The following ATXN1 variants were observed in gnomAD, a reference collection of about 807,000 sequenced individuals.
ATXN1 encodes ataxin 1.
In ATXN1, 8 loss-of-function variants were observed where a neutral mutation model predicts 56.4. The observed-to-expected ratio is 0.14, with a 90% CI of 0.08 to 0.26. The LOEUF (loss-of-function observed/expected upper bound fraction) is 0.26. Among genes scored for constraint, ATXN1 ranks in the 10% least tolerant of loss-of-function variants. The pLI is 1.00. For missense variants in ATXN1, 987 were observed against 1,106.5 expected, an observed-to-expected ratio of 0.89 and a Z score of 1.53; for synonymous variants, 514 against 494.6, an observed-to-expected ratio of 1.04 and a Z score of -0.52.
chr6:16,537,249 T>C (rs1761618681), intron 4 of ATXN1, among the ~76,000 whole-genome samples: 1 of 152,112 alleles, frequency 6.6e-6, no homozygotes, highest in African/African-American at 2.4e-5. Flanking sequence ...GTTAAACCTG[T>C]CTAGAGTATT....
chr6:16,462,601 T>A (rs1199780786), intron 6 of ATXN1, among the ~76,000 whole-genome samples: 1 of 152,148 alleles, frequency 6.6e-6, no homozygotes, highest in Non-Finnish European at 1.5e-5. Context: ...AAAATCCTAA[T>A]CACATCAACC....
At chr6:16,433,708 G>A (rs1351144335) in intron 6 of ATXN1, among the ~76,000 whole-genome samples, 1 of 152,314 alleles carries the variant, frequency 6.6e-6, no homozygotes, top group African/African-American at 2.4e-5. Context: ...GATGAAACAG[G>A]TGCATTAAGT....
chr6:16,389,091 C>T (rs1394101897), intron 6 of ATXN1, among the ~76,000 whole-genome samples: 4 of 151,932 alleles, frequency 2.6e-5, no homozygotes, highest in African/African-American at 9.7e-5. Context: ...AATCCCAGCA[C>T]TTTGGGAGGC....
chr6:16,359,165 C>G (rs1398072935), intron 6 of ATXN1, among the ~76,000 whole-genome samples: 1 of 152,204 alleles, frequency 6.6e-6, no homozygotes, highest in African/African-American at 2.4e-5. Context: ...TGAATGGCAG[C>G]AGGAGGAAGA....
At chr6:16,681,378 C>G (rs1404275233) in intron 2 of ATXN1, among the ~76,000 whole-genome samples, 1 of 152,226 alleles carries the variant, frequency 6.6e-6, no homozygotes, top group Non-Finnish European at 1.5e-5. Flanking sequence ...GGCCACGTGA[C>G]AGCCTGCCTC....
chr6:16,517,145 C>T (rs1041504603), intron 5 of ATXN1, among the ~76,000 whole-genome samples: 7 of 152,236 alleles, frequency 4.6e-5, no homozygotes, highest in Non-Finnish European at 7.3e-5. Flanking sequence ...TTAGCCATGG[C>T]CTTGATTCTG....
intron 2 of ATXN1, among the ~76,000 whole-genome samples, chr6:16,712,549 G>A (rs1290983970): frequency 6.6e-6 from 1 of 152,124 alleles, no homozygotes; most frequent in Non-Finnish European, 1.5e-5. Flanking sequence ...ACCTAAATTC[G>A]TGTTTCCAAA....
In ATXN1 at chr6:16,670,187, A is replaced by G. The variant is rs139245402; in HGVS notation, c.-614-12286T>C. 5.9e-5 allele frequency among the ~76,000 whole-genome samples: 9 copies of G among 152,134 alleles called. No individual in the cohort carries two copies. The East Asian group carries it at 1.7e-3, about 29-fold the overall frequency. On this transcript the variant is annotated intron_variant, in intron 2 of 7. Coordinates refer to ENST00000436367, the MANE Select transcript of ATXN1 (RefSeq NM_001128164.2). ...GCAGGGACCAAATCCTATCAATTCTATTTCCTGGTTATGCTACTTGAATCC... is the reference window on the plus strand; with the variant it reads ...GCAGGGACCAAATCCTATCAATTCTGTTTCCTGGTTATGCTACTTGAATCC...
chr6:16,684,126 C>T (rs1429155250), intron 2 of ATXN1, among the ~76,000 whole-genome samples: 2 of 152,178 alleles, frequency 1.3e-5, no homozygotes, highest in Non-Finnish European at 2.9e-5. Flanking sequence ...TATTGTCAAA[C>T]CTTCTTGGGA....
chr6:16,737,891 A>G (rs1018399252), intron 2 of ATXN1: 1 of 152,250 alleles, frequency 6.6e-6, no homozygotes, highest in African/African-American at 2.4e-5. Flanking sequence ...AGAAAACAAT[A>G]AACCCAAGTA....
At chr6:16,422,040 T>A (rs552242879) in intron 6 of ATXN1, among the ~76,000 whole-genome samples, 4 of 149,126 alleles carry the variant, frequency 2.7e-5, no homozygotes, top group Admixed American at 1.3e-4. Context: ...TTTTGAAGTA[T>A]ATAAGGGTTT....
At position 16,506,656 on chromosome 6, in the gene ATXN1, C is replaced by T. The variant is rs1760986536; in HGVS notation, c.-299+15971G>A. ...AATGTTGGTAAATCACTCTGCAATT[C>T]CCAGGTCAAAGATGTGAAATGAACA... On this transcript the variant is annotated intron_variant, in intron 5 of 7. Transcript: ENST00000436367. The surrounding 1 kb of genome is among the most constrained non-coding windows in gnomAD (Gnocchi z 4.1). Among the ~76,000 whole-genome samples the T allele has an allele frequency of 6.6e-6, 1 of 152,090 alleles. No individual in the cohort carries two copies. Among genetic ancestry groups the T allele is most frequent in the Non-Finnish European group, 1.5e-5 (1 of 68,028 alleles).
intron 3 of ATXN1, among the ~76,000 whole-genome samples, chr6:16,643,712 A>C (rs549264870): frequency 9.9e-5 from 15 of 152,178 alleles, no homozygotes; most frequent in Admixed American, 5.9e-4. Flanking sequence ...TTCGGGCCAA[A>C]TAGGAGTTAA....
At chr6:16,424,373 C>T (rs1350874449) in intron 6 of ATXN1, among the ~76,000 whole-genome samples, 1 of 152,196 alleles carries the variant, frequency 6.6e-6, no homozygotes, top group African/African-American at 2.4e-5. Flanking sequence ...AAAATCACAG[C>T]AGAGGAGAGG....
rs2072737 is a variant in ATXN1 at position 16,306,635 on chromosome 6, G to T, written c.2142C>A (p.Asp714Glu). ...ACCTGTGTCTGCTGCCCGCCAGGCC[G>T]TCGGCCTTTGAGTGCTTCAGCAGGA... ...ASVLLKHSKA[D>E]GLAGSRHRYA... Residue 714 changes from aspartate to glutamate, a missense_variant, in exon 8 of 8, where the codon GAC becomes GAA. Asp to Glu is a conservative substitution (Grantham distance 45, BLOSUM62 2). Coordinates refer to ENST00000436367, the MANE Select transcript of ATXN1 (RefSeq NM_001128164.2). This position sits in a 1 kb window ranked among gnomAD's most constrained non-coding sequence, Gnocchi z 5.2. The T allele has an allele frequency of 6.8e-6, 11 of 1,614,164 alleles. No homozygotes were observed. The African/African-American group carries it at 1.2e-4, about 18-fold the overall frequency.
rs1047735135 is a variant in ATXN1 at position 16,692,089 on chromosome 6, C to A, written c.-614-34188G>T. 3.9e-5 allele frequency among the ~76,000 whole-genome samples: 6 copies of A among 152,260 alleles called. No individual in the cohort carries two copies. The South Asian group carries it at 1.2e-3, about 32-fold the overall frequency. The stretch of plus-strand genomic sequence containing the variant: ...GACCAGCCTGGCCAATATGGTGAAA[C>A]CTCATCTCTACTAAAAATACACCGG... On this transcript the variant is annotated intron_variant, in intron 2 of 7. Transcript: ENST00000436367.
At chr6:16,353,210 G>A (rs1443066168) in intron 6 of ATXN1, among the ~76,000 whole-genome samples, 1 of 152,138 alleles carries the variant, frequency 6.6e-6, no homozygotes, top group East Asian at 1.9e-4. Context: ...GTCTGGCTGC[G>A]GTGTTCTAGG....
intron 4 of ATXN1, among the ~76,000 whole-genome samples, chr6:16,580,212 G>A (rs1448324415): frequency 6.6e-6 from 1 of 152,192 alleles, no homozygotes; most frequent in Non-Finnish European, 1.5e-5. Context: ...TAGGGAGAAA[G>A]GGAACTGGAT....
At chr6:16,514,032 G>A (rs944015288) in intron 5 of ATXN1, among the ~76,000 whole-genome samples, 9 of 152,138 alleles carry the variant, frequency 5.9e-5, no homozygotes, top group Admixed American at 6.5e-5. Context: ...TGGAGCTGAA[G>A]AGTTGCTGTG....
Sources: allele counts gnomAD v4.1 joint callset (sites outside exome capture counted in the v4.1 genomes callset), GRCh38; gene constraint gnomAD v4.1.1; non-coding constraint Gnocchi (gnomAD v3.1); transcripts MANE v1.5; gene names NCBI Gene and HGNC (gene_info 2026-07-23, HGNC 2026-07-21).